The following SYNJ2 variants were observed in gnomAD, a reference collection of about 807,000 sequenced individuals.
The protein encoded by SYNJ2 is synaptojanin 2.
SYNJ2 carries 116 observed loss-of-function variants against 141.3 expected under a neutral mutation model. The observed-to-expected ratio is 0.82, with a 90% CI of 0.71 to 0.96. The LOEUF is 0.96. SYNJ2 is among the 40% of genes least tolerant of loss of function. The probability of loss-of-function intolerance (pLI) is 0.00; values close to 1 mark genes in which losing one functional copy is unlikely to be tolerated. For missense variants in SYNJ2, 1,873 were observed against 1,934.8 expected, an observed-to-expected ratio of 0.97 and a Z score of 0.60; for synonymous variants, 745 against 777.7, an observed-to-expected ratio of 0.96 and a Z score of 0.70.
rs771297231 is a variant in SYNJ2, at chr6:158,069,670, T to C, written c.1937T>C (p.Ile646Thr). 3 of 1,612,108 alleles carry C rather than the reference T, an allele frequency of 1.9e-6. No individual in the cohort carries two copies. The highest frequency in any genetic ancestry group is 2.5e-6 in the Non-Finnish European group (3 of 1,178,786). The change falls in exon 14 of 27, where the codon ATC becomes ACC. Residue 646 changes from isoleucine to threonine, a missense_variant. Physicochemically the swap from Ile to Thr is moderately conservative, Grantham distance 89. Coordinates refer to ENST00000355585, the MANE Select transcript of SYNJ2 (RefSeq NM_003898.4). The stretch of plus-strand genomic sequence containing the variant: ...GTACGTCCATACCATGTCCCGTTCA[T>C]CAGGTAAGAACATTCTGTTTACACA... ...IFVRPYHVPFIRDVAIDTVKT... is the reference protein window; with the variant it reads ...IFVRPYHVPFTRDVAIDTVKT...
At chr6:158,076,854 T>C in intron 17 of SYNJ2, 72 bp downstream of exon 17, 1 of 1,513,136 alleles carries the variant, frequency 6.6e-7, no homozygotes, top group Non-Finnish European at 8.8e-7. Context: ...GAGTCACGTT[T>C]ACCCAACCCC....
In SYNJ2 at chr6:158,069,569, G is replaced by A. The variant is rs1781782746; in HGVS notation, c.1836G>A (p.Gln612=). 1 of 1,613,898 alleles carries A rather than the reference G, an allele frequency of 6.2e-7. No individual in the cohort carries two copies. Among genetic ancestry groups the A allele is most frequent in the African/African-American group, 1.3e-5 (1 of 74,910 alleles). ...AGAAGATGTGGGGTGAACAGCTTCAGAAAGCCATCTCACGCTCTCATAGAT... is the reference window on the plus strand; with the variant it reads ...AGAAGATGTGGGGTGAACAGCTTCAAAAAGCCATCTCACGCTCTCATAGAT... ...TNKKMWGEQL[Q]KAISRSHRYI... The change falls in exon 14 of 27, where the codon CAG becomes CAA. Residue 612 remains glutamine, a synonymous_variant. Transcript: ENST00000355585.
At chr6:158,081,596 G>C (rs1160780334) in intron 20 of SYNJ2, 86 bp downstream of exon 20, 1 of 467,016 alleles carries the variant, frequency 2.1e-6, no homozygotes, top group Non-Finnish European at 3.8e-6. Context: ...CTCTTGCCCT[G>C]ACCTGTGCCT....
At position 158,084,166 on chromosome 6, in the gene SYNJ2, C is replaced by T. The variant is rs140015862; in HGVS notation, c.3200C>T (p.Thr1067Met). The change falls in exon 22 of 27, where the codon ACG (threonine) becomes ATG (methionine). Residue 1067 changes from threonine (T) to methionine (M), a missense_variant. Transcript: ENST00000355585. This position sits in a 1 kb window ranked among gnomAD's most constrained non-coding sequence, Gnocchi z 5.0. The stretch of plus-strand genomic sequence containing the variant: ...CTCACCAAAAAGAAGCAGCATCCAA[C>T]GTACAAAGGTAGCCTGACCCTTCTT... ...PALTKKKQHPTYKDDADLVEL... is the reference protein window; with the variant it reads ...PALTKKKQHPMYKDDADLVEL... 6.2e-6 allele frequency: 10 copies of T among 1,613,748 alleles called. No homozygotes were observed. Among genetic ancestry groups the T allele is most frequent in the East Asian group, 2.2e-5 (1 of 44,898 alleles).
chr6:157,997,603 A>C (rs1777683353), intron 1 of SYNJ2, among the ~76,000 whole-genome samples: 1 of 152,044 alleles, frequency 6.6e-6, no homozygotes, highest in Admixed American at 6.5e-5. Flanking sequence ...TGAGACAATA[A>C]ATTTGCTGTT....
intron 1 of SYNJ2, among the ~76,000 whole-genome samples, chr6:158,013,089 G>C (rs1778325623): frequency 6.6e-6 from 1 of 152,172 alleles, no homozygotes; most frequent in South Asian, 2.1e-4. Context: ...TCAAAAATTT[G>C]CATAAATTTT....
At chr6:158,067,991 C>A in intron 12 of SYNJ2, 1 of 985,210 alleles carries the variant, frequency 1.0e-6, no homozygotes, top group South Asian at 4.7e-5. Flanking sequence ...AGCAAGCTGG[C>A]TGGTATTTTG....
At chr6:157,984,722 CAAG>C (rs1478353908) in intron 1 of SYNJ2, among the ~76,000 whole-genome samples, 1 of 152,200 alleles carries the variant, frequency 6.6e-6, no homozygotes, top group African/African-American at 2.4e-5. Flanking sequence ...TGAATTTTTA[CAAG>C]AAGGCTGCAA....
At chr6:158,012,135 C>T (rs2128325374) in intron 1 of SYNJ2, among the ~76,000 whole-genome samples, 1 of 152,202 alleles carries the variant, frequency 6.6e-6, no homozygotes, top group African/African-American at 2.4e-5. Flanking sequence ...AGTGTCTCAC[C>T]AGTGGGTTTG....
rs888866381 is a variant in SYNJ2, at chr6:158,071,239, A to G, written c.1941-363A>G. 7.2e-5 allele frequency among the ~76,000 whole-genome samples: 11 copies of G among 152,182 alleles called. No homozygotes were observed. Among genetic ancestry groups the G allele is most frequent in the African/African-American group, 2.4e-4 (10 of 41,446 alleles). Reference sequence around the variant, plus strand: ...ATTGCCCAGATGACACCTCCCATGCATGGCGTGATGGCTGCACAGGAGTGG... The same window carrying G: ...ATTGCCCAGATGACACCTCCCATGCGTGGCGTGATGGCTGCACAGGAGTGG... On this transcript the variant is annotated intron_variant, in intron 14 of 26. Transcript: ENST00000355585. The surrounding 1 kb of genome is among the most constrained non-coding windows in gnomAD (Gnocchi z 4.3).
rs1412197209 is a variant in SYNJ2, at chr6:158,089,901, C to G, written c.3519C>G (p.Ala1173=). Residue 1173 remains alanine (A), a synonymous_variant, in exon 25 of 27, where the codon GCC becomes GCG. Transcript: ENST00000355585. The stretch of plus-strand genomic sequence containing the variant: ...TCAAGCAGATCAAAACCACCAATGC[C>G]CAGGAGGCAGAAGCAGCAATCCGGT... ...YNVKQIKTTN[A]QEAEAAIRCL... is the part of the protein sequence containing the mutation. The G allele has an allele frequency of 6.2e-7, 1 of 1,614,138 alleles. No homozygotes were observed. The highest frequency in any genetic ancestry group is 2.2e-5 in the East Asian group (1 of 44,876).
chr6:158,090,683 T>G (rs189288165), intron 25 of SYNJ2, among the ~76,000 whole-genome samples: 4 of 151,866 alleles, frequency 2.6e-5, no homozygotes, highest in African/African-American at 9.7e-5. Context: ...TAGCTGGGAC[T>G]ACAGGCGCGC....
At chr6:158,060,962 A>G (rs189482) in intron 7 of SYNJ2, among the ~76,000 whole-genome samples, 134,473 of 152,300 alleles carry the variant, frequency 0.88, 59,479 homozygotes, top group Middle Eastern at 0.92. Flanking sequence ...TTGGTGGCCC[A>G]GCAGCCTGCC....
chr6:158,066,342 T>C, intron 11 of SYNJ2, 102 bp from the exon 12 acceptor site: 1 of 1,347,198 alleles, frequency 7.4e-7, no homozygotes, highest in South Asian at 1.3e-5. Context: ...CTCTAGAGGC[T>C]CATGAACCAT....
chr6:157,981,723 C>A (rs1235221392), upstream of SYNJ2, among the ~76,000 whole-genome samples: 3 of 151,792 alleles, frequency 2.0e-5, no homozygotes, highest in Non-Finnish European at 4.4e-5. The surrounding 1 kb of genome is among the most constrained non-coding windows in gnomAD (Gnocchi z 6.4). Flanking sequence ...GCTGCCTGGC[C>A]GCTGGGGGGA....
At chr6:158,067,847 C>T (rs1476473956) in intron 12 of SYNJ2, 1 of 985,176 alleles carries the variant, frequency 1.0e-6, no homozygotes, top group Non-Finnish European at 1.2e-6. Context: ...CTCCAGAAGC[C>T]ATTCAGGATG....
chr6:158,078,158 G>GAGT lies in SYNJ2; in HGVS notation c.2450-3_2450-1dup. 6.3e-7 allele frequency: 1 copy of GAGT among 1,590,520 alleles called. No individual in the cohort carries two copies. The highest frequency in any genetic ancestry group is 8.6e-7 in the Non-Finnish European group (1 of 1,159,258). On this transcript the variant is annotated splice_polypyrimidine_tract_variant and splice_region_variant and intron_variant, in intron 17 of 26. Coordinates refer to ENST00000355585, the MANE Select transcript of SYNJ2 (RefSeq NM_003898.4). ...TGGGTCTCTCGAATGGAACCCCTGC[G>GAGT]AGTAGCTGGAGAACTCAACCTTCTA...
chr6:158,008,358 T>A (rs1778147670), intron 1 of SYNJ2, among the ~76,000 whole-genome samples: 1 of 152,266 alleles, frequency 6.6e-6, no homozygotes, highest in South Asian at 2.1e-4. Flanking sequence ...GCCTGGAATT[T>A]ACTCACAATA....
At chr6:158,059,138 C>T (rs747866808) in intron 6 of SYNJ2, 119 bp from the exon 7 acceptor site, 54 of 1,116,902 alleles carry the variant, frequency 4.8e-5, no homozygotes, top group Non-Finnish European at 6.4e-5. Flanking sequence ...ACAGCTGGTC[C>T]TGGACTGTGG....
Sources: allele counts gnomAD v4.1 joint callset (sites outside exome capture counted in the v4.1 genomes callset), GRCh38; gene constraint gnomAD v4.1.1; non-coding constraint Gnocchi (gnomAD v3.1); transcripts MANE v1.5; gene names NCBI Gene and HGNC (gene_info 2026-07-23, HGNC 2026-07-21).